MINPP1: variants seen among roughly 807,000 people sequenced by gnomAD.
MINPP1 encodes multiple inositol-polyphosphate phosphatase 1.
Under a neutral mutation model 46.1 loss-of-function variants are expected in MINPP1, and 28 were observed. That is an observed-to-expected ratio of 0.61 (90% CI 0.45 to 0.83). The LOEUF is 0.83. MINPP1 is among the 40% of genes least tolerant of loss of function. The probability of loss-of-function intolerance (pLI) is 0.00; values close to 1 mark genes in which losing one functional copy is unlikely to be tolerated. For missense variants in MINPP1, 603 were observed against 610.0 expected, an observed-to-expected ratio of 0.99 and a Z score of 0.12; for synonymous variants, 268 against 249.1, an observed-to-expected ratio of 1.08 and a Z score of -0.72.
At chr10:87,517,437 A>T (rs949708983) in intron 3 of MINPP1, among the ~76,000 whole-genome samples, 7 of 152,160 alleles carry the variant, frequency 4.6e-5, no homozygotes, top group Non-Finnish European at 5.9e-5. Flanking sequence ...TCATTGTATT[A>T]TCATGGTGGG....
chr10:87,508,203 A>G (rs1851282135), intron 1 of MINPP1, 133 bp from the exon 2 acceptor site: 3 of 1,549,104 alleles, frequency 1.9e-6, no homozygotes, highest in Non-Finnish European at 2.6e-6. Flanking sequence ...TTCCTGACCA[A>G]TATGTGCTTA....
chr10:87,542,474 A>G (rs1189477718), intron 4 of MINPP1, among the ~76,000 whole-genome samples: 1 of 151,962 alleles, frequency 6.6e-6, no homozygotes, highest in Non-Finnish European at 1.5e-5. Flanking sequence ...TAATTTTTGT[A>G]TTTTTAGTAG....
At chr10:87,507,321 A>C (rs1851266318) in intron 1 of MINPP1, among the ~76,000 whole-genome samples, 1 of 152,234 alleles carries the variant, frequency 6.6e-6, no homozygotes, top group Non-Finnish European at 1.5e-5. Context: ...CAATAATTAG[A>C]TAGTAACAAG....
At chr10:87,541,311 G>T (rs1373634171) in intron 4 of MINPP1, among the ~76,000 whole-genome samples, 3 of 152,080 alleles carry the variant, frequency 2.0e-5, no homozygotes, top group African/African-American at 4.8e-5. Context: ...GTAGAAATTT[G>T]TTTATATATT....
intron 4 of MINPP1, among the ~76,000 whole-genome samples, chr10:87,540,952 C>T (rs537991506): frequency 3.3e-5 from 5 of 152,228 alleles, no homozygotes; most frequent in East Asian, 3.9e-4. Flanking sequence ...ATTTGTTTTT[C>T]GGTGTTTAAA....
At chr10:87,520,299 A>G (rs1173860353) in intron 3 of MINPP1, among the ~76,000 whole-genome samples, 1 of 152,132 alleles carries the variant, frequency 6.6e-6, no homozygotes, top group African/African-American at 2.4e-5. Flanking sequence ...TTCTATAAGC[A>G]GTGCTACTAT....
In MINPP1 at chr10:87,505,644, C is replaced by T. The variant is rs1320516912; in HGVS notation, c.637+92C>T. The T allele has an allele frequency of 7.8e-6, 9 of 1,153,068 alleles. No individual in the cohort carries two copies. The East Asian group carries it at 1.0e-4, about 13-fold the overall frequency. The allele number at this position is 1,153,068 out of a possible 1,614,324, so 71.4% of individuals were successfully genotyped here. ...CCCCAGACCCTGGGCTTTTCCGATG[C>T]CCCCCAGTTCTCTTTCCTCTTTTCC... is the stretch of plus-strand genomic sequence containing the variant. On this transcript the variant is annotated intron_variant, in intron 1 of 4. Transcript: ENST00000371996. This position sits in a 1 kb window ranked among gnomAD's most constrained non-coding sequence, Gnocchi z 4.4.
Position 87,505,212 on chromosome 10 carries a change from C to A in MINPP1, c.297C>A (p.Ile99=). The A allele has an allele frequency of 6.2e-7, 1 of 1,611,420 alleles. No homozygotes were observed. The highest frequency in any genetic ancestry group is 8.5e-7 in the Non-Finnish European group (1 of 1,178,892). ...CCCGCTACCCCACGGTCAAACAGAT[C>A]CGCAAGCTGAGGCAGCTGCACGGGT... is the stretch of plus-strand genomic sequence containing the variant. ...HGTRYPTVKQ[I]RKLRQLHGLL... is the part of the protein sequence containing the mutation. The change falls in exon 1 of 5, where the codon ATC becomes ATA. Residue 99 remains isoleucine (I), a synonymous_variant. Coordinates refer to ENST00000371996, the MANE Select transcript of MINPP1 (RefSeq NM_004897.5). The surrounding 1 kb of genome is among the most constrained non-coding windows in gnomAD (Gnocchi z 4.4).
At chr10:87,530,661 TGAG>T (rs1401303608) in intron 4 of MINPP1, among the ~76,000 whole-genome samples, 2 of 152,166 alleles carry the variant, frequency 1.3e-5, no homozygotes, top group Non-Finnish European at 1.5e-5. Context: ...AGGACCCTCT[TGAG>T]GAGGCAGTCT....
At chr10:87,545,455 G>A (rs1410749171) in intron 4 of MINPP1, among the ~76,000 whole-genome samples, 1 of 151,344 alleles carries the variant, frequency 6.6e-6, no homozygotes, top group Non-Finnish European at 1.5e-5. Context: ...ACATGTTTGT[G>A]TTATACTTCA....
At chr10:87,514,987 A>T (rs1851392579) in intron 3 of MINPP1, among the ~76,000 whole-genome samples, 2 of 151,568 alleles carry the variant, frequency 1.3e-5, no homozygotes, top group Non-Finnish European at 2.9e-5. Context: ...AAGTGCTGGT[A>T]TTACAGGCAT....
rs1006474445 is a variant in MINPP1, at chr10:87,505,273, A to G, written c.358A>G (p.Ser120Gly). Reference sequence around the variant, plus strand: ...CCGCGGGTCCAGGGATGGCGGGGCTAGTAGTACCGGCAGCCGCGACCTGGG... The same window carrying G: ...CCGCGGGTCCAGGGATGGCGGGGCTGGTAGTACCGGCAGCCGCGACCTGGG... ...QARGSRDGGA[S>G]STGSRDLGAA... is the part of the protein sequence containing the mutation. Residue 120 changes from serine (S) to glycine (G), a missense_variant, in exon 1 of 5, where the codon AGT becomes GGT. Around this residue, in one of 3 missense-constraint regions of MINPP1, gnomAD observed 239 missense variants for 189.4 expected, o/e 1.26. Transcript: ENST00000371996. The surrounding 1 kb of genome is among the most constrained non-coding windows in gnomAD (Gnocchi z 4.4). The G allele has an allele frequency of 6.2e-6, 10 of 1,611,400 alleles. No homozygotes were observed. Among genetic ancestry groups the G allele is most frequent in the Middle Eastern group, 1.7e-4 (1 of 6,052 alleles).
chr10:87,523,411 C>T (rs1009145199), intron 4 of MINPP1, among the ~76,000 whole-genome samples: 8 of 150,560 alleles, frequency 5.3e-5, no homozygotes, highest in Admixed American at 4.0e-4. Context: ...AGTGCAGTGG[C>T]GTGATCTCGG....
intron 3 of MINPP1, among the ~76,000 whole-genome samples, chr10:87,520,057 A>AGTGTGTGTGTGTGTGTGTGTGT (rs141533495): frequency 0.016 from 2,419 of 147,398 alleles, 38 homozygotes; most frequent in East Asian, 0.062. Context: ...TAAAAGGTAT[A>AGTGTGTGTGTGTGTGTGTGTGT]GTGTGTGTGT....
intron 2 of MINPP1, among the ~76,000 whole-genome samples, chr10:87,509,963 AACTG>A (rs1294224062): frequency 2.0e-5 from 3 of 152,248 alleles, no homozygotes; most frequent in Non-Finnish European, 2.9e-5. Flanking sequence ...CTGATGAAGT[AACTG>A]ACAGCAACTT....
chr10:87,538,098 A>G (rs1851763524), intron 4 of MINPP1, among the ~76,000 whole-genome samples: 1 of 146,348 alleles, frequency 6.8e-6, no homozygotes, highest in African/African-American at 2.5e-5. Context: ...ATCTGTAATT[A>G]GCTCTGCTAA....
intron 4 of MINPP1, among the ~76,000 whole-genome samples, chr10:87,538,905 G>T (rs982140885): frequency 2.0e-5 from 3 of 152,130 alleles, no homozygotes; most frequent in Non-Finnish European, 4.4e-5. Context: ...ATTATTAGTT[G>T]TTTTTTCTGG....
rs552260207 is a variant in MINPP1, at chr10:87,516,258, A to T, written c.933+3037A>T. Among the ~76,000 whole-genome samples the T allele has an allele frequency of 2.9e-5, 3 of 104,682 alleles. 1 individual carries two copies. The East Asian group carries it at 6.9e-4, about 24-fold the overall frequency. 68.7% of individuals were successfully genotyped at this position (104,682 alleles called of 152,430 possible). A position where few individuals can be genotyped will look rare whatever the true frequency, so the allele number is the denominator to read the frequency against. On this transcript the variant is annotated intron_variant, in intron 3 of 4. Transcript: ENST00000371996. ...GTTCTGTGACAAGCACTTGCTTGGA[A>T]CTAAAGACACTAACATAAGATAGAT...
intron 4 of MINPP1, among the ~76,000 whole-genome samples, chr10:87,528,778 T>C (rs7092845): frequency 0.028 from 4,298 of 152,036 alleles, 199 homozygotes; most frequent in African/African-American, 0.093. Flanking sequence ...AACTTTCTGT[T>C]TCGTTGATCT....
Sources: gnomAD v4.1 joint callset for allele counts (sites outside exome capture counted in the v4.1 genomes callset) on GRCh38, gnomAD v4.1.1 for gene constraint, gnomAD v4.1.1 regional missense constraint, Gnocchi (gnomAD v3.1) non-coding constraint, MANE v1.5 for transcripts, NCBI Gene and HGNC (gene_info 2026-07-23, HGNC 2026-07-21) for gene names.